CCDC18: variants seen among roughly 807,000 people sequenced by gnomAD.
CCDC18 encodes the protein coiled-coil domain-containing protein 18.
CCDC18 carries 157 observed loss-of-function variants against 196.0 expected under a neutral mutation model. The ratio of observed to expected loss-of-function variants is 0.80; its 90% CI spans 0.70 to 0.91. The LOEUF (loss-of-function observed/expected upper bound fraction) is 0.91. Ranked by LOEUF, CCDC18 falls within the 40% of genes least tolerant of loss-of-function variation. CCDC18 has a pLI of 0.00. For synonymous variants in CCDC18, 482 were observed against 529.2 expected (o/e 0.91, Z 1.22); for missense variants, 1,465 against 1,611.6 (o/e 0.91, Z 1.56).
At chr1:93,262,291 A>C (rs994091707) in intron 26 of CCDC18, 4 of 152,208 alleles carry the variant, frequency 2.6e-5, no homozygotes, top group African/African-American at 9.7e-5. Flanking sequence ...CCAAAGTCTT[A>C]ACTCATTCCA....
intron 27 of CCDC18, among the ~76,000 whole-genome samples, chr1:93,266,211 T>C (rs1664480234): frequency 6.6e-6 from 1 of 152,048 alleles, no homozygotes; most frequent in African/African-American, 2.4e-5. Context: ...CATAACGAAA[T>C]GAAGGCAGAA....
chr1:93,263,795 A>T (rs1262697133), intron 26 of CCDC18, among the ~76,000 whole-genome samples: 2 of 152,130 alleles, frequency 1.3e-5, no homozygotes, highest in African/African-American at 4.8e-5. Flanking sequence ...CACTATTCTG[A>T]TACCAGTTTT....
intron 28 of CCDC18, among the ~76,000 whole-genome samples, chr1:93,276,052 G>A (rs61799501): frequency 6.6e-6 from 1 of 152,196 alleles, no homozygotes; most frequent in Admixed American, 6.5e-5. Flanking sequence ...TAAAGCAGTG[G>A]TAGGGCCAGG....
chr1:93,201,046 G>A (rs1653741822), intron 6 of CCDC18, among the ~76,000 whole-genome samples: 1 of 152,116 alleles, frequency 6.6e-6, no homozygotes, highest in South Asian at 2.1e-4. Context: ...TAACCACATA[G>A]ACTCAGAAAG....
At chr1:93,256,600 G>T (rs944269141) in intron 25 of CCDC18, 62 bp downstream of exon 25, 7 of 1,323,164 alleles carry the variant, frequency 5.3e-6, no homozygotes, top group African/African-American at 3.0e-5. Context: ...CATTTTTTTT[G>T]AACTGTAGAA....
intron 6 of CCDC18, among the ~76,000 whole-genome samples, chr1:93,198,409 C>T (rs913046049): frequency 2.6e-5 from 4 of 152,096 alleles, no homozygotes; most frequent in African/African-American, 7.2e-5. Context: ...CAAGGATAGG[C>T]AAAATTAACA....
At chr1:93,247,193 T>C (rs1661598853) in intron 23 of CCDC18, among the ~76,000 whole-genome samples, 2 of 151,820 alleles carry the variant, frequency 1.3e-5, no homozygotes. Context: ...CCCCAAAGCT[T>C]TGGGATTACA....
chr1:93,193,801 CTATTTAAAATTCTAGTTAATTTT>C, intron 6 of CCDC18, 57 bp downstream of exon 6: 1 of 1,300,856 alleles, frequency 7.7e-7, no homozygotes, highest in Non-Finnish European at 1.0e-6. Flanking sequence ...GAAATATTAC[CTATTTAAAATTCTAGTTAATTTT>C]TGAAGTGAAA....
intron 11 of CCDC18, among the ~76,000 whole-genome samples, chr1:93,212,651 C>A (rs986143398): frequency 6.6e-6 from 1 of 152,100 alleles, no homozygotes; most frequent in Admixed American, 6.6e-5. Context: ...GATAAGACAG[C>A]AAAAGTTATT....
At chr1:93,266,440 G>T (rs1664512782) in intron 27 of CCDC18, among the ~76,000 whole-genome samples, 1 of 152,130 alleles carries the variant, frequency 6.6e-6, no homozygotes. Context: ...AAATAAGTAA[G>T]ATCAGAGCAG....
intron 23 of CCDC18, among the ~76,000 whole-genome samples, chr1:93,250,367 T>C (rs1662066332): frequency 8.8e-6 from 1 of 114,236 alleles, no homozygotes; most frequent in African/African-American, 3.8e-5. Context: ...GGCATCAGAG[T>C]GAGACCCTGT....
chr1:93,239,247 G>A, intron 19 of CCDC18, 63 bp from the exon 20 acceptor site: 1 of 1,248,620 alleles, frequency 8.0e-7, no homozygotes, highest in Non-Finnish European at 1.1e-6. Flanking sequence ...TTTTTTTTTA[G>A]TCAGAGACAA....
intron 5 of CCDC18, 99 bp downstream of exon 5, chr1:93,192,205 TA>T (rs1163019651): frequency 1.3e-6 from 1 of 772,864 alleles, no homozygotes; most frequent in Non-Finnish European, 2.2e-6. Flanking sequence ...AAATTTACAG[TA>T]ACCTAATGGT....
At chr1:93,184,558 C>A (rs531978282) in intron 3 of CCDC18, among the ~76,000 whole-genome samples, 3 of 151,968 alleles carry the variant, frequency 2.0e-5, no homozygotes, top group South Asian at 4.1e-4. Context: ...GTTCTCTTTT[C>A]ATTATCTATT....
chr1:93,248,716 C>T (rs1210296445), intron 23 of CCDC18, among the ~76,000 whole-genome samples: 2 of 152,050 alleles, frequency 1.3e-5, no homozygotes, highest in African/African-American at 4.8e-5. Context: ...TGGTGCGTGC[C>T]TGTAATCCCA....
At chr1:93,183,570 G>T (rs560920273) in intron 2 of CCDC18, 75 bp downstream of exon 2, 13 of 1,100,182 alleles carry the variant, frequency 1.2e-5, no homozygotes, top group East Asian at 2.7e-5. Context: ...ATTTCATTAT[G>T]ATGTATTGTT....
chr1:93,256,644 A>G, intron 25 of CCDC18, 106 bp downstream of exon 25: 1 of 888,826 alleles, frequency 1.1e-6, no homozygotes, highest in Non-Finnish European at 1.8e-6. Context: ...GTATTGCACA[A>G]CAGTGTGAAT....
At chr1:93,228,922 A>AT (rs144431280) in intron 17 of CCDC18, among the ~76,000 whole-genome samples, 2,785 of 149,828 alleles carry the variant, frequency 0.019, 88 homozygotes, top group African/African-American at 0.064. Context: ...AAATAGAACG[A>AT]TTTTTTTTTT....
rs191632273 is a variant in CCDC18 at position 93,224,714 on chromosome 1, A to G, written c.2176-1619A>G. Among the ~76,000 whole-genome samples the G allele has an allele frequency of 3.3e-5, 5 of 152,380 alleles. No individual in the cohort carries two copies. In the East Asian group the frequency reaches 9.6e-4, roughly 29 times the overall value. Reference sequence around the variant, plus strand: ...GGGGTGAGTCTTTGAGGCCATGTGAATATCCTGTTCCTCAATAACCTTATA... The same window carrying G: ...GGGGTGAGTCTTTGAGGCCATGTGAGTATCCTGTTCCTCAATAACCTTATA... On this transcript the variant is annotated intron_variant, in intron 16 of 28. Coordinates refer to ENST00000690025, the MANE Select transcript of CCDC18 (RefSeq NM_001378204.1).
Sources: gnomAD v4.1 joint callset for allele counts (sites outside exome capture counted in the v4.1 genomes callset) on GRCh38, gnomAD v4.1.1 for gene constraint, MANE v1.5 for transcripts, NCBI Gene and HGNC (gene_info 2026-07-23, HGNC 2026-07-21) for gene names.